The following CACNA2D3 variants were observed in gnomAD, a reference collection of about 807,000 sequenced individuals.
The protein encoded by CACNA2D3 is calcium voltage-gated channel auxiliary subunit alpha2delta 3, also known as voltage-dependent calcium channel subunit alpha-2/delta-3.
In CACNA2D3, 60 loss-of-function variants were observed where a neutral mutation model predicts 160.6. The observed-to-expected ratio is 0.37, with a 90% confidence interval of 0.30 to 0.46. CACNA2D3 has a LOEUF of 0.46. Ranked by LOEUF, CACNA2D3 falls within the 20% of genes least tolerant of loss-of-function variation. The pLI is 1.00. For synonymous variants in CACNA2D3, 558 were observed against 492.9 expected (o/e 1.13, Z -1.75); for missense variants, 1,205 against 1,365.0 (o/e 0.88, Z 1.85).
chr3:54,284,105 T>A (rs1272305357), intron 2 of CACNA2D3, among the ~76,000 whole-genome samples: 1 of 152,136 alleles, frequency 6.6e-6, no homozygotes, highest in Non-Finnish European at 1.5e-5. Flanking sequence ...TACTCTGATA[T>A]ATGTACTTAC....
At chr3:54,629,665 C>T (rs897159727) in intron 10 of CACNA2D3, among the ~76,000 whole-genome samples, 6 of 152,150 alleles carry the variant, frequency 3.9e-5, no homozygotes, top group Non-Finnish European at 8.8e-5. Context: ...ACACAGCCGG[C>T]GAGGACAGAG....
At chr3:54,789,530 T>G (rs1028680215) in intron 13 of CACNA2D3, among the ~76,000 whole-genome samples, 2 of 152,132 alleles carry the variant, frequency 1.3e-5, no homozygotes, top group African/African-American at 4.8e-5. Flanking sequence ...TTCTCAGATC[T>G]GTGTGCACTA....
chr3:54,816,864 A>T lies in CACNA2D3; in HGVS notation c.1392A>T (p.Ala464=). Residue 464 remains alanine, a synonymous_variant, in exon 14 of 38, where the codon GCA becomes GCT. Coordinates refer to ENST00000474759, the MANE Select transcript of CACNA2D3 (RefSeq NM_018398.3). The stretch of plus-strand genomic sequence containing the variant: ...TTTTCCCCCTTCAGCTCCCTCAGGC[A>T]CAAAAGGTAAATTCTCTTCTGTCAC... ...EAYIDSTLPQ[A]QKLTDDQGPV... is the part of the protein sequence containing the mutation. 1 of 1,613,824 alleles carries T rather than the reference A, an allele frequency of 6.2e-7. No homozygotes were observed. The highest frequency in any genetic ancestry group is 8.5e-7 in the Non-Finnish European group (1 of 1,179,850).
intron 27 of CACNA2D3, among the ~76,000 whole-genome samples, chr3:54,917,595 A>G (rs1700693486): frequency 6.6e-6 from 1 of 152,246 alleles, no homozygotes; most frequent in Non-Finnish European, 1.5e-5. Flanking sequence ...GTATGCAGAT[A>G]CAGATACACA....
intron 35 of CACNA2D3, among the ~76,000 whole-genome samples, chr3:55,056,586 A>T (rs532860887): frequency 6.6e-6 from 1 of 152,360 alleles, no homozygotes; most frequent in East Asian, 1.9e-4. Context: ...TGGATAAGGA[A>T]AATGCAGTAT....
intron 18 of CACNA2D3, among the ~76,000 whole-genome samples, chr3:54,873,826 C>T (rs1699598390): frequency 6.6e-6 from 1 of 152,190 alleles, no homozygotes; most frequent in Non-Finnish European, 1.5e-5. Context: ...CTTGGGAAAA[C>T]CCAAACCACC....
At chr3:54,752,363 T>C (rs1701874268) in intron 11 of CACNA2D3, among the ~76,000 whole-genome samples, 1 of 152,206 alleles carries the variant, frequency 6.6e-6, no homozygotes, top group Non-Finnish European at 1.5e-5. Context: ...CTCTTCTGTT[T>C]TGACTTGCGC....
At chr3:54,644,662 T>C (rs1263693520) in intron 11 of CACNA2D3, among the ~76,000 whole-genome samples, 5 of 152,242 alleles carry the variant, frequency 3.3e-5, no homozygotes, top group African/African-American at 1.2e-4. Flanking sequence ...AAGGCTGGAA[T>C]GTGATTCCCA....
intron 2 of CACNA2D3, among the ~76,000 whole-genome samples, chr3:54,185,167 A>G (rs1161481647): frequency 1.3e-5 from 2 of 152,222 alleles, no homozygotes; most frequent in African/African-American, 2.4e-5. Flanking sequence ...TGATTGTTGT[A>G]CTTTTCAGAT....
intron 3 of CACNA2D3, among the ~76,000 whole-genome samples, chr3:54,331,123 C>T (rs955038804): frequency 1.3e-5 from 2 of 152,082 alleles, no homozygotes; most frequent in Non-Finnish European, 2.9e-5. Flanking sequence ...CCTCTGTCCC[C>T]CAGGCCAATC....
intron 2 of CACNA2D3, among the ~76,000 whole-genome samples, chr3:54,225,776 C>CT (rs1369109510): frequency 3.3e-4 from 49 of 146,568 alleles, no homozygotes; most frequent in Middle Eastern, 3.5e-3. Context: ...TTCTATTACG[C>CT]TTTTTTTTTT....
chr3:54,822,762 C>CTT (rs1476395446), intron 14 of CACNA2D3, among the ~76,000 whole-genome samples: 3 of 84,604 alleles, frequency 3.5e-5, no homozygotes, highest in African/African-American at 4.8e-5. Flanking sequence ...TTCTTTCTTT[C>CTT]TTTCTTTCTT....
chr3:54,977,601 A>T (rs1392922217), intron 29 of CACNA2D3, among the ~76,000 whole-genome samples: 2 of 152,174 alleles, frequency 1.3e-5, no homozygotes, highest in Non-Finnish European at 2.9e-5. Context: ...GTGGCCTTAT[A>T]TGCAGCTGTG....
chr3:54,416,403 G>T (rs1188910905), intron 4 of CACNA2D3, among the ~76,000 whole-genome samples: 2 of 151,904 alleles, frequency 1.3e-5, no homozygotes. Flanking sequence ...CAAAATATAA[G>T]CTCTGTGAGA....
chr3:54,594,760 T>G (rs1702920488), intron 9 of CACNA2D3, among the ~76,000 whole-genome samples: 1 of 152,216 alleles, frequency 6.6e-6, no homozygotes, highest in Non-Finnish European at 1.5e-5. Flanking sequence ...TCTTATTGGA[T>G]TCTCATGATT....
intron 3 of CACNA2D3, among the ~76,000 whole-genome samples, chr3:54,365,862 A>C (rs1469935849): frequency 6.6e-6 from 1 of 152,204 alleles, no homozygotes; most frequent in Non-Finnish European, 1.5e-5. Flanking sequence ...ACTCCATCTC[A>C]AAATAAATAA....
chr3:54,324,731 A>G lies in CACNA2D3; in HGVS notation c.321+4173A>G, dbSNP rs538963564. 2.0e-5 allele frequency among the ~76,000 whole-genome samples: 3 copies of G among 152,264 alleles called. No individual in the cohort carries two copies. The South Asian group carries it at 6.2e-4, about 32-fold the overall frequency. On this transcript the variant is annotated intron_variant, in intron 3 of 37. Coordinates refer to ENST00000474759, the MANE Select transcript of CACNA2D3 (RefSeq NM_018398.3). Reference sequence around the variant, plus strand: ...ATTAATATTGCTAAGCAGTTTGTCAAGTTTTAAGTCCCTACGAATGGACAA... The same window carrying G: ...ATTAATATTGCTAAGCAGTTTGTCAGGTTTTAAGTCCCTACGAATGGACAA...
chr3:54,899,955 T>G, intron 27 of CACNA2D3, 87 bp downstream of exon 27: 1 of 935,614 alleles, frequency 1.1e-6, no homozygotes, highest in Non-Finnish European at 1.7e-6. Flanking sequence ...GGCACGCTTA[T>G]CCTCCAAAAA....
intron 4 of CACNA2D3, among the ~76,000 whole-genome samples, chr3:54,457,826 A>G (rs911310788): frequency 6.6e-6 from 1 of 152,116 alleles, no homozygotes; most frequent in Non-Finnish European, 1.5e-5. Flanking sequence ...CTTTGTCATT[A>G]CATAATGACT....
Sources: gnomAD v4.1 joint callset for allele counts (sites outside exome capture counted in the v4.1 genomes callset) on GRCh38, gnomAD v4.1.1 for gene constraint, MANE v1.5 for transcripts, NCBI Gene and HGNC (gene_info 2026-07-23, HGNC 2026-07-21) for gene names.